Variants in CEMIP observed in about 807,000 individuals in gnomAD.
The protein encoded by CEMIP is cell migration-inducing and hyaluronan-binding protein.
Under a neutral mutation model 156.9 loss-of-function variants are expected in CEMIP, and 105 were observed. That is an observed-to-expected ratio of 0.67 (90% CI 0.57 to 0.79). The LOEUF (loss-of-function observed/expected upper bound fraction) is 0.79, where lower values mean the gene tolerates loss of function less well. Ranked by LOEUF, CEMIP falls within the 30% of genes least tolerant of loss-of-function variation. CEMIP has a pLI of 0.00. For synonymous variants in CEMIP, 676 were observed against 668.4 expected (o/e 1.01, Z -0.17); for missense variants, 1,457 against 1,769.4 (o/e 0.82, Z 3.17).
chr15:80,780,743 G>C (rs572129586), intron 1 of CEMIP, among the ~76,000 whole-genome samples: 4 of 152,234 alleles, frequency 2.6e-5, no homozygotes, highest in East Asian at 1.9e-4. Flanking sequence ...GCCCGAGGGC[G>C]GGGAGCCGGC....
At chr15:80,831,066 A>T (rs770538754) in intron 1 of CEMIP, among the ~76,000 whole-genome samples, 2 of 152,174 alleles carry the variant, frequency 1.3e-5, no homozygotes, top group Non-Finnish European at 2.9e-5. Context: ...ATGTACTGTT[A>T]GTTTTGAGAA....
rs1394425257 is a variant in CEMIP, at chr15:80,779,554, T to C, written c.-236T>C. On this transcript the variant is annotated 5_prime_UTR_variant, in exon 1 of 30. Transcript: ENST00000394685. ...GCGCCTGGCGGTCAGCGACCAGACG[T>C]CCGGGGCCGCTGCGCTCCTGGCCCG... 6.6e-6 allele frequency: 1 copy of C among 152,080 alleles called. No homozygotes were observed. Among genetic ancestry groups the C allele is most frequent in the African/African-American group, 2.4e-5 (1 of 41,406 alleles). 9.4% of individuals were successfully genotyped at this position (152,080 alleles called of 1,614,324 possible). A position where few individuals can be genotyped will look rare whatever the true frequency, so the allele number is the denominator to read the frequency against.
intron 25 of CEMIP, among the ~76,000 whole-genome samples, chr15:80,938,564 C>T (rs1901224296): frequency 6.6e-6 from 1 of 152,164 alleles, no homozygotes; most frequent in African/African-American, 2.4e-5. Flanking sequence ...AAGATACTGC[C>T]ATTGCATTCC....
At chr15:80,863,015 A>G (rs907959376) in intron 1 of CEMIP, among the ~76,000 whole-genome samples, 1 of 152,170 alleles carries the variant, frequency 6.6e-6, no homozygotes, top group African/African-American at 2.4e-5. Context: ...TCCTCGCTGC[A>G]GCCTCCAGTC....
intron 1 of CEMIP, among the ~76,000 whole-genome samples, chr15:80,859,505 C>G (rs1289787008): frequency 6.6e-6 from 1 of 152,248 alleles, no homozygotes; most frequent in Non-Finnish European, 1.5e-5. Flanking sequence ...GCAGACTATG[C>G]CTTTGCCCAG....
At chr15:80,789,262 G>T (rs921156781) in intron 1 of CEMIP, among the ~76,000 whole-genome samples, 12 of 152,178 alleles carry the variant, frequency 7.9e-5, no homozygotes, top group Non-Finnish European at 1.8e-4. Context: ...TGAATTTGGG[G>T]TGTGGGGCTT....
At chr15:80,894,315 G>T (rs1899136420) in intron 10 of CEMIP, among the ~76,000 whole-genome samples, 1 of 152,206 alleles carries the variant, frequency 6.6e-6, no homozygotes, top group Non-Finnish European at 1.5e-5. Context: ...GCCACCTACT[G>T]GCTTTGTGAT....
At chr15:80,911,088 C>T (rs57888590) in intron 14 of CEMIP, among the ~76,000 whole-genome samples, 2,685 of 152,206 alleles carry the variant, frequency 0.018, 83 homozygotes, top group African/African-American at 0.062. Flanking sequence ...TTCTGTAAAA[C>T]GGAGAGGATG....
chr15:80,844,849 G>C (rs376208573), intron 1 of CEMIP, among the ~76,000 whole-genome samples: 38 of 152,316 alleles, frequency 2.5e-4, no homozygotes, highest in African/African-American at 8.2e-4. Context: ...CCTTGGGTTG[G>C]GAGAACAGGG....
chr15:80,894,800 C>A (rs764659655), intron 10 of CEMIP, among the ~76,000 whole-genome samples, 190 bp from the exon 11 acceptor site: 5 of 152,152 alleles, frequency 3.3e-5, no homozygotes, highest in Admixed American at 6.5e-5. Context: ...TATTCCAAGA[C>A]TTTAGGCTGT....
intron 1 of CEMIP, among the ~76,000 whole-genome samples, chr15:80,839,224 A>T (rs1415202922): frequency 6.6e-6 from 1 of 151,396 alleles, no homozygotes; most frequent in Non-Finnish European, 1.5e-5. Context: ...CGCATTCCAT[A>T]GCACAGGAAG....
rs142012523 is a variant in CEMIP, at chr15:80,871,115, G to A, written c.-175-2423G>A. On this transcript the variant is annotated intron_variant, in intron 1 of 29. Transcript: ENST00000394685. ...AAGCTTTTAATGGCCAATGGAGAAT[G>A]CTGTCCTCCCTTGGTGAAAGAATTC... is the stretch of plus-strand genomic sequence containing the variant. Among the ~76,000 whole-genome samples, 823 of 152,320 alleles carry A rather than the reference G, an allele frequency of 5.4e-3. 5 individuals are homozygous for A. Among genetic ancestry groups the A allele is most frequent in the Middle Eastern group, 0.017 (5 of 294 alleles).
intron 1 of CEMIP, among the ~76,000 whole-genome samples, chr15:80,830,428 C>T (rs1897133248): frequency 6.6e-6 from 1 of 152,050 alleles, no homozygotes; most frequent in Non-Finnish European, 1.5e-5. Context: ...GACTGGCATG[C>T]CCTGGAAGTG....
At chr15:80,928,857 T>G (rs756637126) in intron 19 of CEMIP, 45 bp from the exon 20 acceptor site, 1 of 1,612,102 alleles carries the variant, frequency 6.2e-7, no homozygotes, top group Non-Finnish European at 8.5e-7. Context: ...CCACTGAATG[T>G]GAAGCCAGGG....
intron 29 of CEMIP, 67 bp downstream of exon 29, chr15:80,947,132 GTGCTGTCATCTTT>G: frequency 2.0e-6 from 2 of 1,021,550 alleles, no homozygotes; most frequent in Non-Finnish European, 3.1e-6. Context: ...GGCATGGAGG[GTGCTGTCATCTTT>G]TGCTGAGTTG....
chr15:80,812,515 A>T (rs1455145838), intron 1 of CEMIP, among the ~76,000 whole-genome samples: 1 of 152,198 alleles, frequency 6.6e-6, no homozygotes, highest in African/African-American at 2.4e-5. Context: ...AATGGGCCCA[A>T]TAGTACCTGC....
intron 1 of CEMIP, among the ~76,000 whole-genome samples, chr15:80,871,270 A>G (rs1436379302): frequency 1.3e-5 from 2 of 152,226 alleles, no homozygotes; most frequent in African/African-American, 2.4e-5. Context: ...ATGTGGGATT[A>G]GCCTCTTTGG....
chr15:80,819,616 A>G (rs1896865692), intron 1 of CEMIP, among the ~76,000 whole-genome samples: 2 of 152,236 alleles, frequency 1.3e-5, no homozygotes, highest in Non-Finnish European at 2.9e-5. Context: ...CCTCTACAGC[A>G]TTCATAAACA....
In CEMIP at chr15:80,906,539, G is replaced by C. The variant is rs988272461; in HGVS notation, c.1412-124G>C. 5.4e-6 allele frequency: 5 copies of C among 921,050 alleles called. No homozygotes were observed. In the Admixed American group the frequency reaches 1.2e-4, roughly 23 times the overall value. The allele number at this position is 921,050 out of a possible 1,614,324, so 57.1% of individuals were successfully genotyped here. A position where few individuals can be genotyped will look rare whatever the true frequency, so the allele number is the denominator to read the frequency against. On this transcript the variant is annotated intron_variant, in intron 12 of 29. Transcript: ENST00000394685. This position sits in a 1 kb window ranked among gnomAD's most constrained non-coding sequence, Gnocchi z 4.3. The stretch of plus-strand genomic sequence containing the variant: ...TGACCTTCATCCTTCTGTAACATGA[G>C]ACCACTGTGCACACCAGGCATGGCG...
Sources: allele counts gnomAD v4.1 joint callset (sites outside exome capture counted in the v4.1 genomes callset), GRCh38; gene constraint gnomAD v4.1.1; non-coding constraint Gnocchi (gnomAD v3.1); transcripts MANE v1.5; gene names NCBI Gene and HGNC (gene_info 2026-07-23, HGNC 2026-07-21).